The following TBC1D24 variants were observed in gnomAD, a reference collection of about 807,000 sequenced individuals.
TBC1D24 encodes the protein TBC1 domain family member 24.
A neutral mutation model predicts 50.7 loss-of-function variants in TBC1D24; 47 were observed. The ratio of observed to expected loss-of-function variants is 0.93; its 90% CI spans 0.73 to 1.18. The LOEUF (loss-of-function observed/expected upper bound fraction) is 1.18, where lower values mean the gene tolerates loss of function less well. Among genes scored for constraint, TBC1D24 ranks in the 50% most tolerant of loss-of-function variants. The probability of loss-of-function intolerance (pLI) is 0.00; values close to 1 mark genes in which losing one functional copy is unlikely to be tolerated. For missense variants in TBC1D24, 688 were observed against 766.5 expected, an observed-to-expected ratio of 0.90 and a Z score of 1.21; for synonymous variants, 324 against 335.2, an observed-to-expected ratio of 0.97 and a Z score of 0.36.
At chr16:2,491,843 G>A (rs147995426) in intron 1 of TBC1D24, among the ~76,000 whole-genome samples, 2 of 144,360 alleles carry the variant, frequency 1.4e-5, no homozygotes, top group East Asian at 4.3e-4. Flanking sequence ...ATGAGCCACC[G>A]TGCTTGGCCC....
chr16:2,476,690 A>G (rs1029707612), intron 1 of TBC1D24: 7 of 152,270 alleles, frequency 4.6e-5, no homozygotes, highest in African/African-American at 9.6e-5. Context: ...TTTTCTCTAC[A>G]TGATGGTTGA....
rs758606953 is a variant in TBC1D24 at position 2,497,098 on chromosome 16, C to A, written c.950C>A (p.Thr317Asn). 2 of 1,604,660 alleles carry A rather than the reference C, an allele frequency of 1.2e-6. No homozygotes were observed. Among genetic ancestry groups the A allele is most frequent in the Non-Finnish European group, 1.7e-6 (2 of 1,179,996 alleles). Residue 317 changes from threonine to asparagine, a missense_variant, in exon 2 of 8, where the codon ACC (threonine) becomes AAC (asparagine). By Grantham distance (65) the Thr-to-Asn change is moderately conservative. Transcript: ENST00000646147. ...AAAGCCCTGAAGCAGAAGGGCATCA[C>A]CGTGAAGCAGAAGAGGTAGGTCGCC... Reference protein sequence around the residue: ...NEKALKQKGITVKQKSVSLSK... With the variant: ...NEKALKQKGINVKQKSVSLSK...
chr16:2,496,640 C>A lies in TBC1D24; in HGVS notation c.492C>A (p.Pro164=). The change falls in exon 2 of 8, where the codon CCC becomes CCA. Residue 164 remains proline, a synonymous_variant. Transcript: ENST00000646147. ...KACRILACND[P]GRRLIDQSFL... Reference sequence around the variant, plus strand: ...GCCGCATCCTGGCCTGCAATGACCCCGGCAGGAGGCTGATCGACCAGAGCT... The same window carrying A: ...GCCGCATCCTGGCCTGCAATGACCCAGGCAGGAGGCTGATCGACCAGAGCT... 1.2e-6 allele frequency: 2 copies of A among 1,612,344 alleles called. No individual in the cohort carries two copies. The highest frequency in any genetic ancestry group is 1.7e-6 in the Non-Finnish European group (2 of 1,180,024).
At position 2,500,571 on chromosome 16, in the gene TBC1D24, C is replaced by T. The variant is rs547842684; in HGVS notation, c.1525+81C>T. Reference sequence around the variant, plus strand: ...GCTGCTGCACCCAGCCCTCCCTGACCGGGGTGGCAGAGAAGAGGCCCTGGG... The same window carrying T: ...GCTGCTGCACCCAGCCCTCCCTGACTGGGGTGGCAGAGAAGAGGCCCTGGG... On this transcript the variant is annotated intron_variant, in intron 7 of 7. Transcript: ENST00000646147. This position sits in a 1 kb window ranked among gnomAD's most constrained non-coding sequence, Gnocchi z 8.0. 37 of 1,443,822 alleles carry T rather than the reference C, an allele frequency of 2.6e-5. No individual in the cohort carries two copies. The highest frequency in any genetic ancestry group is 2.4e-4 in the Middle Eastern group (1 of 4,134). The allele number at this position is 1,443,822 out of a possible 1,614,324, so 89.4% of individuals were successfully genotyped here. A position where few individuals can be genotyped will look rare whatever the true frequency, so the allele number is the denominator to read the frequency against.
intron 1 of TBC1D24, 27 bp from the exon 2 acceptor site, chr16:2,496,007 G>A: frequency 9.6e-7 from 1 of 1,042,348 alleles, no homozygotes; most frequent in Non-Finnish European, 1.4e-6. Flanking sequence ...AAACACAGAT[G>A]CTAAAAGTGT....
In TBC1D24 at chr16:2,475,450, C is replaced by T. The variant is rs1269074766; in HGVS notation, c.-116+280C>T. ...CCCCGCCCGGTCGCTGGCCCGCGGC[C>T]CGGCCCAGGGCATGGTGTCGTCTGG... is the stretch of plus-strand genomic sequence containing the variant. On this transcript the variant is annotated intron_variant, in intron 1 of 7. Coordinates refer to ENST00000646147, the MANE Select transcript of TBC1D24 (RefSeq NM_001199107.2). The surrounding 1 kb of genome is among the most constrained non-coding windows in gnomAD (Gnocchi z 4.2). 6.6e-6 allele frequency among the ~76,000 whole-genome samples: 1 copy of T among 151,958 alleles called. No homozygotes were observed. Among genetic ancestry groups the T allele is most frequent in the East Asian group, 1.9e-4 (1 of 5,164 alleles).
At position 2,501,135 on chromosome 16, in the gene TBC1D24, G is replaced by C; in HGVS notation, c.*177G>C. ...TGCTGCTGCCTCTACCTGGGGTTTG[G>C]GCTGGGCTTCCCCAGTCCACCTGCA... On this transcript the variant is annotated 3_prime_UTR_variant, in exon 8 of 8. Transcript: ENST00000646147. 1 of 807,510 alleles carries C rather than the reference G, an allele frequency of 1.2e-6. No homozygotes were observed. Among genetic ancestry groups the C allele is most frequent in the Non-Finnish European group, 1.9e-6 (1 of 518,934 alleles). 50.0% of individuals were successfully genotyped at this position (807,510 alleles called of 1,614,324 possible). A position where few individuals can be genotyped will look rare whatever the true frequency, so the allele number is the denominator to read the frequency against.
chr16:2,500,230 C>T lies in TBC1D24; in HGVS notation c.1303-38C>T, dbSNP rs148303194. 2.5e-5 allele frequency: 38 copies of T among 1,529,688 alleles called. No homozygotes were observed. The highest frequency in any genetic ancestry group is 1.8e-4 in the Middle Eastern group (1 of 5,680). The allele number at this position is 1,529,688 out of a possible 1,614,324, so 94.8% of individuals were successfully genotyped here. ...GCTCTGGGGCAGAGGGGCCTGCGAA[C>T]GCCCGCGCCAGCTCCTCACACTCCC... On this transcript the variant is annotated intron_variant, in intron 6 of 7. Coordinates refer to ENST00000646147, the MANE Select transcript of TBC1D24 (RefSeq NM_001199107.2). This position sits in a 1 kb window ranked among gnomAD's most constrained non-coding sequence, Gnocchi z 8.0.
intron 1 of TBC1D24, among the ~76,000 whole-genome samples, chr16:2,495,092 C>G (rs2065726632): frequency 6.6e-6 from 1 of 152,104 alleles, no homozygotes; most frequent in East Asian, 1.9e-4. Context: ...CTGGCTCACA[C>G]TTGTAATCCC....
intron 4 of TBC1D24, among the ~76,000 whole-genome samples, chr16:2,498,710 G>A (rs993808328): frequency 2.0e-5 from 3 of 152,214 alleles, no homozygotes; most frequent in African/African-American, 7.2e-5. Flanking sequence ...GGCTGTGCTC[G>A]CTCCCCACCC....
chr16:2,497,576 C>A, intron 2 of TBC1D24, 134 bp from the exon 3 acceptor site: 2 of 859,486 alleles, frequency 2.3e-6, no homozygotes, highest in Admixed American at 2.0e-5. Context: ...TGGTGCCACG[C>A]TGCGGCCTGT....
Position 2,500,119 on chromosome 16 carries a change from C to A in TBC1D24, c.1303-149C>A. The A allele has an allele frequency of 1.1e-6, 1 of 947,880 alleles. No homozygotes were observed. The highest frequency in any genetic ancestry group is 1.7e-6 in the Non-Finnish European group (1 of 603,184). 58.7% of individuals were successfully genotyped at this position (947,880 alleles called of 1,614,324 possible). On this transcript the variant is annotated intron_variant, in intron 6 of 7. Transcript: ENST00000646147. This position sits in a 1 kb window ranked among gnomAD's most constrained non-coding sequence, Gnocchi z 8.0. Reference sequence around the variant, plus strand: ...GCTCCGGGGCAGGGGGCTTCATCTGCTCGAGCCACCAGCTCCCCAGCCCCT... The same window carrying A: ...GCTCCGGGGCAGGGGGCTTCATCTGATCGAGCCACCAGCTCCCCAGCCCCT...
At position 2,503,821 on chromosome 16, in the gene TBC1D24, A is replaced by G. The variant is rs919001214; in HGVS notation, c.*2863A>G. 3.3e-5 allele frequency: 5 copies of G among 152,216 alleles called. No homozygotes were observed. The East Asian group carries it at 5.8e-4, about 18-fold the overall frequency. 9.4% of individuals were successfully genotyped at this position (152,216 alleles called of 1,614,324 possible). ...GATCCACCCCCCCCTCAGCCTCCCAAAGTGCTGGGATTACAGGCGTGAGCC... is the reference window on the plus strand; with the variant it reads ...GATCCACCCCCCCCTCAGCCTCCCAGAGTGCTGGGATTACAGGCGTGAGCC... On this transcript the variant is annotated 3_prime_UTR_variant, in exon 8 of 8. Transcript: ENST00000646147.
chr16:2,490,136 C>T (rs1315207020), intron 1 of TBC1D24, among the ~76,000 whole-genome samples: 1 of 152,190 alleles, frequency 6.6e-6, no homozygotes, highest in Admixed American at 6.5e-5. Flanking sequence ...GTAGCTGTCA[C>T]CCTCCAGACC....
At chr16:2,478,800 A>G (rs1479514524) in intron 1 of TBC1D24, 1 of 151,504 alleles carries the variant, frequency 6.6e-6, no homozygotes, top group Non-Finnish European at 1.5e-5. Context: ...TGTCAGGATC[A>G]GTGGCTCACT....
intron 1 of TBC1D24, chr16:2,477,035 G>A (rs2065574521): frequency 6.6e-6 from 1 of 152,150 alleles, no homozygotes; most frequent in Non-Finnish European, 1.5e-5. Context: ...CAATGAAGCA[G>A]GTTACAAAAA....
intron 1 of TBC1D24, chr16:2,484,503 C>T (rs551670534): frequency 6.6e-6 from 1 of 152,496 alleles, no homozygotes; most frequent in African/African-American, 2.4e-5. Context: ...GCGACCACCC[C>T]GGGGCCTCTC....
At position 2,499,160 on chromosome 16, in the gene TBC1D24, C is replaced by T. The variant is rs930266219; in HGVS notation, c.1143-197C>T. Among the ~76,000 whole-genome samples the T allele has an allele frequency of 4.6e-5, 7 of 152,162 alleles. No individual in the cohort carries two copies. Among genetic ancestry groups the T allele is most frequent in the Non-Finnish European group, 8.8e-5 (6 of 68,008 alleles). Reference sequence around the variant, plus strand: ...TGCAAGGCCTCTCCCCTGAGTCACACCAGGGCAGGCTGTCCTGGGGATGGC... The same window carrying T: ...TGCAAGGCCTCTCCCCTGAGTCACATCAGGGCAGGCTGTCCTGGGGATGGC... On this transcript the variant is annotated intron_variant, in intron 4 of 7. Coordinates refer to ENST00000646147, the MANE Select transcript of TBC1D24 (RefSeq NM_001199107.2). The surrounding 1 kb of genome is among the most constrained non-coding windows in gnomAD (Gnocchi z 4.0).
In TBC1D24 at chr16:2,500,134, C is replaced by A; in HGVS notation, c.1303-134C>A. On this transcript the variant is annotated intron_variant, in intron 6 of 7. Transcript: ENST00000646147. This position sits in a 1 kb window ranked among gnomAD's most constrained non-coding sequence, Gnocchi z 8.0. ...GCTTCATCTGCTCGAGCCACCAGCT[C>A]CCCAGCCCCTGGCTCGGGCTGCACC... is the stretch of plus-strand genomic sequence containing the variant. 9.8e-7 allele frequency: 1 copy of A among 1,019,844 alleles called. No individual in the cohort carries two copies. The highest frequency in any genetic ancestry group is 1.5e-6 in the Non-Finnish European group (1 of 668,116). 63.2% of individuals were successfully genotyped at this position (1,019,844 alleles called of 1,614,324 possible).
Sources: allele counts gnomAD v4.1 joint callset (sites outside exome capture counted in the v4.1 genomes callset), GRCh38; gene constraint gnomAD v4.1.1; non-coding constraint Gnocchi (gnomAD v3.1); transcripts MANE v1.5; gene names NCBI Gene and HGNC (gene_info 2026-07-23, HGNC 2026-07-21).